ZNF738: variants seen among roughly 807,000 people sequenced by gnomAD.
The protein encoded by ZNF738 is protein ZNF738.
ZNF738 carries 10 observed loss-of-function variants against 9.2 expected under a neutral mutation model. The ratio of observed to expected loss-of-function variants is 1.09; its 90% confidence interval spans 0.67 to 1.85. The LOEUF (loss-of-function observed/expected upper bound fraction) is 1.85. ZNF738 is among the 40% of genes most tolerant of loss of function. ZNF738 has a pLI of 0.00. For synonymous variants in ZNF738, 113 were observed against 94.5 expected, an observed-to-expected ratio of 1.20 and a Z score of -1.14; for missense variants, 346 against 283.6, an observed-to-expected ratio of 1.22 and a Z score of -1.58.
In ZNF738 at chr19:21,384,990, G is replaced by A. The variant is rs1394447361; in HGVS notation, c.*1316G>A. On this transcript the variant is annotated 3_prime_UTR_variant, in exon 5 of 5. Transcript: ENST00000683779. ...TACTACACATAGGAGAATTCATGCG[G>A]AAGAGAATTTCTACAAATGTGAAGA... Among the ~76,000 whole-genome samples, 1 of 152,264 alleles carries A rather than the reference G, an allele frequency of 6.6e-6. No homozygotes were observed. Among genetic ancestry groups the A allele is most frequent in the East Asian group, 1.9e-4 (1 of 5,200 alleles).
In ZNF738 at chr19:21,383,833, G is replaced by A. The variant is rs1974035583; in HGVS notation, c.*159G>A. 1.5e-6 allele frequency: 2 copies of A among 1,307,642 alleles called. No homozygotes were observed. Among genetic ancestry groups the A allele is most frequent in the African/African-American group, 1.5e-5 (1 of 68,730 alleles). 81.0% of individuals were successfully genotyped at this position (1,307,642 alleles called of 1,614,324 possible). Reference sequence around the variant, plus strand: ...CATTCTGGAGAGAAACCCTACAAATGTGGAGAATGTGGCAAAGCTTTCTTC... The same window carrying A: ...CATTCTGGAGAGAAACCCTACAAATATGGAGAATGTGGCAAAGCTTTCTTC... On this transcript the variant is annotated 3_prime_UTR_variant, in exon 5 of 5. Coordinates refer to ENST00000683779, the MANE Select transcript of ZNF738 (RefSeq NM_001355237.2).
At chr19:21,378,657 G>A (rs532631733) in intron 4 of ZNF738, 45 of 357,704 alleles carry the variant, frequency 1.3e-4, no homozygotes, top group Non-Finnish European at 2.0e-4. Context: ...TCCCCAGGCC[G>A]GAGTGAAATG....
In ZNF738 at chr19:21,383,911, A is replaced by G. The variant is rs1974036604; in HGVS notation, c.*237A>G. The G allele has an allele frequency of 6.9e-7, 1 of 1,439,318 alleles. No individual in the cohort carries two copies. Among genetic ancestry groups the G allele is most frequent in the Middle Eastern group, 1.8e-4 (1 of 5,680 alleles). The allele number at this position is 1,439,318 out of a possible 1,614,324, so 89.2% of individuals were successfully genotyped here. A position where few individuals can be genotyped will look rare whatever the true frequency, so the allele number is the denominator to read the frequency against. ...ATAATTCATACTGGAGAGAAACCCT[A>G]CAAATGTGAAGAATGTGGCAAAGCT... On this transcript the variant is annotated 3_prime_UTR_variant, in exon 5 of 5. Coordinates refer to ENST00000683779, the MANE Select transcript of ZNF738 (RefSeq NM_001355237.2).
At chr19:21,378,574 A>G (rs1973964346) in intron 4 of ZNF738, 3 of 312,854 alleles carry the variant, frequency 9.6e-6, no homozygotes, top group South Asian at 7.7e-5. Context: ...TCCACTGGCT[A>G]TCTCATAAGA....
intron 2 of ZNF738, among the ~76,000 whole-genome samples, chr19:21,373,579 G>A (rs1973884038): frequency 6.6e-6 from 1 of 152,156 alleles, no homozygotes; most frequent in Non-Finnish European, 1.5e-5. Flanking sequence ...CATTGTTCCT[G>A]AATCTCTGCT....
intron 2 of ZNF738, among the ~76,000 whole-genome samples, chr19:21,365,365 C>T (rs1973761969): frequency 6.6e-6 from 1 of 151,974 alleles, no homozygotes; most frequent in Non-Finnish European, 1.5e-5. Flanking sequence ...AGGTTTCAGC[C>T]CTATTTTACC....
intron 4 of ZNF738, among the ~76,000 whole-genome samples, chr19:21,380,541 G>C (rs1291151188): frequency 6.6e-6 from 1 of 152,142 alleles, no homozygotes; most frequent in Non-Finnish European, 1.5e-5. Context: ...TCAACTAAAA[G>C]AATCAAAGTC....
At chr19:21,370,963 A>G (rs2086320) in intron 2 of ZNF738, among the ~76,000 whole-genome samples, 91,567 of 152,034 alleles carry the variant, frequency 0.6, 28,395 homozygotes, top group African/African-American at 0.76. Context: ...CCATTTGAGA[A>G]TGTGGCTCTT....
At chr19:21,364,497 A>G (rs1282629575) in intron 2 of ZNF738, among the ~76,000 whole-genome samples, 1 of 152,158 alleles carries the variant, frequency 6.6e-6, no homozygotes, top group East Asian at 1.9e-4. Flanking sequence ...TAGACCACTG[A>G]AGACAAATAC....
At chr19:21,367,155 A>G (rs1973793317) in intron 2 of ZNF738, among the ~76,000 whole-genome samples, 1 of 152,194 alleles carries the variant, frequency 6.6e-6, no homozygotes, top group Non-Finnish European at 1.5e-5. Flanking sequence ...AGGATGAAGA[A>G]TTTTATTAAT....
chr19:21,359,412 G>A (rs532977468), intron 1 of ZNF738, among the ~76,000 whole-genome samples: 2 of 152,324 alleles, frequency 1.3e-5, no homozygotes, highest in South Asian at 4.1e-4. Context: ...CCGCAGCGCC[G>A]CTTCTCTACC....
chr19:21,380,079 C>T lies in ZNF738; in HGVS notation c.320-2787C>T, dbSNP rs183067227. Among the ~76,000 whole-genome samples the T allele has an allele frequency of 2.0e-5, 3 of 152,178 alleles. No individual in the cohort carries two copies. The South Asian group carries it at 6.2e-4, about 32-fold the overall frequency. On this transcript the variant is annotated intron_variant, in intron 4 of 4. Transcript: ENST00000683779. The stretch of plus-strand genomic sequence containing the variant: ...GAACTTTAGCAACTGGACTGAGGAA[C>T]CAGAAAGTATATGCACACTGGGAAT...
chr19:21,360,188 T>C (rs1319248084), intron 1 of ZNF738, among the ~76,000 whole-genome samples: 2 of 152,158 alleles, frequency 1.3e-5, no homozygotes, highest in African/African-American at 4.8e-5. Context: ...GTTAGATTTT[T>C]TAAATTGAAG....
intron 4 of ZNF738, among the ~76,000 whole-genome samples, chr19:21,376,990 A>C (rs1034865563): frequency 6.6e-6 from 1 of 150,750 alleles, no homozygotes; most frequent in South Asian, 2.1e-4. Context: ...ATTCTTGAGG[A>C]CTCTTCTCTA....
At chr19:21,361,448 CT>C (rs1323633326) in intron 1 of ZNF738, among the ~76,000 whole-genome samples, 4 of 152,190 alleles carry the variant, frequency 2.6e-5, no homozygotes. Flanking sequence ...ACCAATGGTA[CT>C]TTTAAGAAGG....
chr19:21,366,779 A>G (rs1973786315), intron 2 of ZNF738, among the ~76,000 whole-genome samples: 1 of 152,122 alleles, frequency 6.6e-6, no homozygotes, highest in Non-Finnish European at 1.5e-5. Context: ...TTGCCATGGC[A>G]TTTGTAACCT....
chr19:21,361,725 T>A, intron 1 of ZNF738, 41 bp from the exon 2 acceptor site: 2 of 776,476 alleles, frequency 2.6e-6, no homozygotes, highest in Non-Finnish European at 4.8e-6. Flanking sequence ...TCAGCTAGAG[T>A]GTCTAGTGGA....
chr19:21,377,267 A>G, intron 4 of ZNF738: 1 of 505,968 alleles, frequency 2.0e-6, no homozygotes, highest in Non-Finnish European at 3.5e-6. Flanking sequence ...AGATCGTGCC[A>G]TTGCACTCCA....
chr19:21,377,829 G>A (rs890860734), intron 4 of ZNF738: 14 of 369,184 alleles, frequency 3.8e-5, no homozygotes, highest in African/African-American at 2.9e-4. Flanking sequence ...TTTCTTTATT[G>A]AAAGTATGTC....
Sources: gnomAD v4.1 joint callset for allele counts (sites outside exome capture counted in the v4.1 genomes callset) on GRCh38, gnomAD v4.1.1 for gene constraint, MANE v1.5 for transcripts, NCBI Gene and HGNC (gene_info 2026-07-23, HGNC 2026-07-21) for gene names.